Variants in GOLPH3 observed in about 807,000 individuals in gnomAD.
The protein encoded by GOLPH3 is coat protein GPP34.
Under a neutral mutation model 28.5 loss-of-function variants are expected in GOLPH3, and 14 were observed. The ratio of observed to expected loss-of-function variants is 0.49; its 90% confidence interval spans 0.32 to 0.77. GOLPH3 has a LOEUF of 0.77. GOLPH3 is among the 30% of genes least tolerant of loss of function. GOLPH3 has a pLI of 0.03. For missense variants in GOLPH3, 350 were observed against 393.7 expected (o/e 0.89, Z 0.94); for synonymous variants, 158 against 159.2 (o/e 0.99, Z 0.06).
chr5:32,151,921 A>G (rs1357496241), intron 1 of GOLPH3, among the ~76,000 whole-genome samples: 1 of 152,180 alleles, frequency 6.6e-6, no homozygotes, highest in East Asian at 1.9e-4. Flanking sequence ...GAATAGTCAA[A>G]TTCATAGAGA....
intron 1 of GOLPH3, among the ~76,000 whole-genome samples, chr5:32,160,573 C>T (rs1405549971): frequency 1.3e-5 from 2 of 152,184 alleles, no homozygotes; most frequent in Non-Finnish European, 1.5e-5. Flanking sequence ...ATTCTAAAGA[C>T]AAACACTTGT....
At chr5:32,161,391 A>G (rs1354473080) in intron 1 of GOLPH3, among the ~76,000 whole-genome samples, 1 of 147,190 alleles carries the variant, frequency 6.8e-6, no homozygotes, top group Non-Finnish European at 1.5e-5. Flanking sequence ...GTGACAGAGC[A>G]TACCTTGTCT....
chr5:32,140,630 C>T (rs1331591817), intron 2 of GOLPH3, among the ~76,000 whole-genome samples: 6 of 149,988 alleles, frequency 4.0e-5, no homozygotes, highest in Non-Finnish European at 8.9e-5. Flanking sequence ...ACCAACTGCA[C>T]TCCAGCCTGG....
chr5:32,171,382 G>C (rs894729846), intron 1 of GOLPH3, among the ~76,000 whole-genome samples: 2 of 152,064 alleles, frequency 1.3e-5, no homozygotes, highest in African/African-American at 4.8e-5. Context: ...TTTGGCCCGC[G>C]GGTTGGAAAA....
chr5:32,172,425 G>C (rs1323367120), intron 1 of GOLPH3, among the ~76,000 whole-genome samples: 1 of 151,164 alleles, frequency 6.6e-6, no homozygotes, highest in Non-Finnish European at 1.5e-5. Flanking sequence ...GCCTGGGCGC[G>C]GTGGCTCAAG....
intron 2 of GOLPH3, among the ~76,000 whole-genome samples, chr5:32,141,737 G>C (rs751155839): frequency 1.3e-5 from 2 of 152,142 alleles, no homozygotes; most frequent in African/African-American, 2.4e-5. Flanking sequence ...GAGTGCCTGC[G>C]ATTGCAGGCG....
chr5:32,134,035 G>A lies in GOLPH3; in HGVS notation c.472+1537C>T, dbSNP rs568553806. ...TAAGTGTAAAGTGCCCATTATTGCC[G>A]TTAGCTAAAAATGGAGTGTATGTAC... On this transcript the variant is annotated intron_variant, in intron 3 of 3. Coordinates refer to ENST00000265070, the MANE Select transcript of GOLPH3 (RefSeq NM_022130.4). 8.5e-5 allele frequency among the ~76,000 whole-genome samples: 13 copies of A among 152,252 alleles called. No homozygotes were observed. In the South Asian group the frequency reaches 2.1e-3, roughly 24 times the overall value.
chr5:32,139,413 G>C (rs1746008693), intron 2 of GOLPH3, among the ~76,000 whole-genome samples: 1 of 152,168 alleles, frequency 6.6e-6, no homozygotes, highest in Non-Finnish European at 1.5e-5. Context: ...CAGATACTGA[G>C]GAACAACTAT....
intron 1 of GOLPH3, among the ~76,000 whole-genome samples, chr5:32,155,196 T>C (rs1344488750): frequency 6.6e-6 from 1 of 152,122 alleles, no homozygotes; most frequent in Non-Finnish European, 1.5e-5. Flanking sequence ...TTTTACTTTG[T>C]TTTTTTAAAG....
intron 3 of GOLPH3, among the ~76,000 whole-genome samples, chr5:32,131,695 T>C (rs1008940263): frequency 6.6e-6 from 1 of 152,190 alleles, no homozygotes; most frequent in Non-Finnish European, 1.5e-5. Flanking sequence ...GTAAAGGAAA[T>C]TGTGAGAAGT....
chr5:32,149,002 T>C (rs896950718), intron 1 of GOLPH3, among the ~76,000 whole-genome samples: 3 of 151,966 alleles, frequency 2.0e-5, no homozygotes, highest in Admixed American at 6.6e-5. Context: ...AGAAAGGTGA[T>C]TGTACTTGCC....
chr5:32,141,944 C>T (rs912760707), intron 2 of GOLPH3, among the ~76,000 whole-genome samples: 5 of 151,928 alleles, frequency 3.3e-5, no homozygotes, highest in Admixed American at 2.0e-4. Context: ...GGCGTGATCT[C>T]GGCTCGCTAC....
Position 32,125,065 on chromosome 5 carries a change from A to C in GOLPH3, c.*1147T>G, listed in dbSNP as rs947383816. The C allele has an allele frequency of 4.6e-5, 7 of 152,796 alleles. No individual in the cohort carries two copies. Among genetic ancestry groups the C allele is most frequent in the African/African-American group, 1.7e-4 (7 of 41,584 alleles). 9.5% of individuals were successfully genotyped at this position (152,796 alleles called of 1,614,324 possible). ...TATCCTAATTGTATATAAAAAATTA[A>C]AACATAGAGCTTTCTGTTACAAAAT... is the stretch of plus-strand genomic sequence containing the variant. On this transcript the variant is annotated 3_prime_UTR_variant, in exon 4 of 4. Transcript: ENST00000265070.
intron 1 of GOLPH3, among the ~76,000 whole-genome samples, chr5:32,164,027 A>G (rs1200060764): frequency 6.6e-6 from 1 of 152,226 alleles, no homozygotes; most frequent in East Asian, 1.9e-4. Flanking sequence ...TAGTGGTGGA[A>G]TACAAAGTTT....
In GOLPH3 at chr5:32,161,952, G is replaced by C. The variant is rs941755607; in HGVS notation, c.225+11858C>G. ...TGAGGCAGGAGAATGGCGTGAACCCGGGAGGCAGAGCTTGCAGTGAGCCGA... is the reference window on the plus strand; with the variant it reads ...TGAGGCAGGAGAATGGCGTGAACCCCGGAGGCAGAGCTTGCAGTGAGCCGA... On this transcript the variant is annotated intron_variant, in intron 1 of 3. Coordinates refer to ENST00000265070, the MANE Select transcript of GOLPH3 (RefSeq NM_022130.4). Among the ~76,000 whole-genome samples the C allele has an allele frequency of 3.3e-5, 5 of 151,006 alleles. 1 individual carries two copies. Among genetic ancestry groups the C allele is most frequent in the African/African-American group, 1.2e-4 (5 of 40,452 alleles).
chr5:32,136,763 TTAAGTA>T (rs1404144880), intron 2 of GOLPH3, among the ~76,000 whole-genome samples: 3 of 152,200 alleles, frequency 2.0e-5, no homozygotes, highest in Non-Finnish European at 4.4e-5. Flanking sequence ...TCAGGAATGC[TTAAGTA>T]TAATACAAAT....
At chr5:32,164,600 G>T (rs973122338) in intron 1 of GOLPH3, among the ~76,000 whole-genome samples, 1 of 151,898 alleles carries the variant, frequency 6.6e-6, no homozygotes, top group East Asian at 1.9e-4. Flanking sequence ...CTTTCACCAT[G>T]TTAGCCAGGA....
At chr5:32,135,757 A>T in intron 2 of GOLPH3, 71 bp from the exon 3 acceptor site, 1 of 834,370 alleles carries the variant, frequency 1.2e-6, no homozygotes, top group Non-Finnish European at 2.0e-6. Context: ...TAAATGAAAA[A>T]CAAACAATTA....
intron 3 of GOLPH3, among the ~76,000 whole-genome samples, chr5:32,129,192 CAAAAAA>C (rs1291484986): frequency 6.6e-6 from 1 of 151,758 alleles, no homozygotes; most frequent in Non-Finnish European, 1.5e-5. Context: ...AAAACAAAAA[CAAAAAA>C]ACCCCCAAAA....
Sources: allele counts gnomAD v4.1 joint callset (sites outside exome capture counted in the v4.1 genomes callset), GRCh38; gene constraint gnomAD v4.1.1; transcripts MANE v1.5; gene names NCBI Gene and HGNC (gene_info 2026-07-23, HGNC 2026-07-21).